The following PIAS1 variants were observed in gnomAD, a reference collection of about 807,000 sequenced individuals.
PIAS1 encodes the protein protein inhibitor of activated STAT 1.
PIAS1 carries 6 observed loss-of-function variants against 71.3 expected under a neutral mutation model. The observed-to-expected ratio is 0.08, with a 90% CI of 0.05 to 0.17. The LOEUF (loss-of-function observed/expected upper bound fraction) is 0.17. PIAS1 is among the 10% of genes least tolerant of loss of function. The pLI is 1.00. For missense variants in PIAS1, 555 were observed against 793.6 expected (o/e 0.70, Z 3.61); for synonymous variants, 303 against 292.9 (o/e 1.03, Z -0.35).
At chr15:68,165,440 G>A (rs2092951737) in intron 8 of PIAS1, among the ~76,000 whole-genome samples, 2 of 152,232 alleles carry the variant, frequency 1.3e-5, no homozygotes, top group East Asian at 1.9e-4. Context: ...ACTTAAGATA[G>A]TACCTTTCTG....
At chr15:68,138,776 G>A (rs1297073415) in intron 2 of PIAS1, among the ~76,000 whole-genome samples, 1 of 152,154 alleles carries the variant, frequency 6.6e-6, no homozygotes, top group Non-Finnish European at 1.5e-5. Context: ...TGCCCAGCCA[G>A]TTCTGTCACT....
chr15:68,139,658 A>G (rs2092756864), intron 2 of PIAS1, among the ~76,000 whole-genome samples: 1 of 152,178 alleles, frequency 6.6e-6, no homozygotes, highest in African/African-American at 2.4e-5. Flanking sequence ...TTTTTAACCT[A>G]TAGGAAAAAT....
In PIAS1 at chr15:68,183,614, AT is replaced by A; in HGVS notation, c.1625-10del. ...CTTCTTTTTTTTTTAAACTGAAATA[AT>A]TTTTTCTTCCACAGGATTAGATTTC... On this transcript the variant is annotated splice_polypyrimidine_tract_variant and intron_variant, in intron 12 of 13. Transcript: ENST00000249636. The A allele has an allele frequency of 9.3e-7, 1 of 1,073,900 alleles. No individual in the cohort carries two copies. Among genetic ancestry groups the A allele is most frequent in the Non-Finnish European group, 1.4e-6 (1 of 728,968 alleles). The allele number at this position is 1,073,900 out of a possible 1,614,324, so 66.5% of individuals were successfully genotyped here.
intron 1 of PIAS1, among the ~76,000 whole-genome samples, chr15:68,084,593 A>T (rs968878681): frequency 1.3e-5 from 2 of 152,148 alleles, no homozygotes; most frequent in Non-Finnish European, 2.9e-5. Context: ...TTGAGCATTT[A>T]TTTGGATAAG....
rs2093012401 is a variant in PIAS1 at position 68,174,903 on chromosome 15, T to C, written c.1170-734T>C. 6.6e-6 allele frequency among the ~76,000 whole-genome samples: 1 copy of C among 152,224 alleles called. No individual in the cohort carries two copies. The highest frequency in any genetic ancestry group is 1.5e-5 in the Non-Finnish European group (1 of 68,036). On this transcript the variant is annotated intron_variant, in intron 9 of 13. Transcript: ENST00000249636. This position sits in a 1 kb window ranked among gnomAD's most constrained non-coding sequence, Gnocchi z 4.0. ...TTTTTCAGAAATGTCGGTGATCACT[T>C]ACTAGTAAATCAGAATTAAATAGTG...
chr15:68,168,992 A>G lies in PIAS1; in HGVS notation c.1008+4188A>G, dbSNP rs188651019. Among the ~76,000 whole-genome samples, 155 of 152,334 alleles carry G rather than the reference A, an allele frequency of 1.0e-3. 2 individuals are homozygous for G. Among genetic ancestry groups the G allele is most frequent in the Admixed American group, 6.5e-3 (100 of 15,308 alleles). The stretch of plus-strand genomic sequence containing the variant: ...AGCTGCTTTTCAGAGTATAAATTTC[A>G]TGGCCTGTAGCTTGGATTCTGAAAC... On this transcript the variant is annotated intron_variant, in intron 8 of 13. Transcript: ENST00000249636.
At chr15:68,067,590 A>G (rs146170204) in intron 1 of PIAS1, among the ~76,000 whole-genome samples, 19 of 152,240 alleles carry the variant, frequency 1.2e-4, no homozygotes, top group Admixed American at 2.0e-4. Context: ...TGAAGCTTAT[A>G]ATACAAACTA....
chr15:68,163,974 A>G (rs1416015821), intron 7 of PIAS1, among the ~76,000 whole-genome samples: 1 of 152,218 alleles, frequency 6.6e-6, no homozygotes, highest in Admixed American at 6.5e-5. Context: ...GATGAGAAGT[A>G]TAAAGAGTCT....
Position 68,085,953 on chromosome 15 carries a change from C to T in PIAS1, c.25-353C>T, listed in dbSNP as rs2092277622. Among the ~76,000 whole-genome samples the T allele has an allele frequency of 5.3e-5, 8 of 152,124 alleles. No homozygotes were observed. In the South Asian group the frequency reaches 1.7e-3, roughly 32 times the overall value. Reference sequence around the variant, plus strand: ...AGAGCACATCATTACGTTTTGCCATCTACATAGCACTCGACATTCTCCTGG... The same window carrying T: ...AGAGCACATCATTACGTTTTGCCATTTACATAGCACTCGACATTCTCCTGG... On this transcript the variant is annotated intron_variant, in intron 1 of 13. Coordinates refer to ENST00000249636, the MANE Select transcript of PIAS1 (RefSeq NM_016166.3).
chr15:68,133,163 G>A (rs572630162), intron 2 of PIAS1, among the ~76,000 whole-genome samples: 61 of 151,772 alleles, frequency 4.0e-4, no homozygotes, highest in African/African-American at 1.4e-3. Context: ...TGGTTTTAGG[G>A]TATTCTATGA....
chr15:68,116,907 A>G (rs1410373480), intron 2 of PIAS1, among the ~76,000 whole-genome samples: 2 of 152,172 alleles, frequency 1.3e-5, no homozygotes, highest in African/African-American at 2.4e-5. Context: ...TTTTAAACTA[A>G]CACATAAAAA....
chr15:68,153,747 AGT>A (rs1203534941), intron 7 of PIAS1, 52 bp downstream of exon 7: 2 of 950,948 alleles, frequency 2.1e-6, no homozygotes, highest in Non-Finnish European at 3.4e-6. Flanking sequence ...TAAAGGTTAG[AGT>A]AGTATTTTCT....
chr15:68,075,354 G>A lies in PIAS1; in HGVS notation c.25-10952G>A, dbSNP rs540927629. On this transcript the variant is annotated intron_variant, in intron 1 of 13. Coordinates refer to ENST00000249636, the MANE Select transcript of PIAS1 (RefSeq NM_016166.3). ...GCCCACCTCGGCCTCCCAAAGTGCT[G>A]GGATTACAGGCGTGAGCCACTGTGC... Among the ~76,000 whole-genome samples, 3 of 152,052 alleles carry A rather than the reference G, an allele frequency of 2.0e-5. No homozygotes were observed. In the East Asian group the frequency reaches 5.8e-4, roughly 29 times the overall value.
At chr15:68,114,063 T>TATAC (rs2092545198) in intron 2 of PIAS1, among the ~76,000 whole-genome samples, 1 of 56,072 alleles carries the variant, frequency 1.8e-5, no homozygotes, top group African/African-American at 5.1e-5. Flanking sequence ...CACACACACT[T>TATAC]ATATACATGT....
intron 1 of PIAS1, among the ~76,000 whole-genome samples, chr15:68,056,726 A>G (rs1299208626): frequency 2.0e-5 from 3 of 152,052 alleles, no homozygotes; most frequent in African/African-American, 7.2e-5. Context: ...GGAGGAGGTG[A>G]TCTCAGGAAC....
intron 2 of PIAS1, among the ~76,000 whole-genome samples, chr15:68,097,757 T>C (rs1488592704): frequency 6.6e-6 from 1 of 152,196 alleles, no homozygotes; most frequent in African/African-American, 2.4e-5. Context: ...TATTAAATGC[T>C]TTTTCAACAT....
At chr15:68,137,576 A>G (rs576525868) in intron 2 of PIAS1, among the ~76,000 whole-genome samples, 7 of 152,246 alleles carry the variant, frequency 4.6e-5, no homozygotes, top group East Asian at 1.9e-4. Context: ...TAATAAACCT[A>G]TGTTATGAGA....
At position 68,189,278 on chromosome 15, in the gene PIAS1, G is replaced by A. The variant is rs1414048012; in HGVS notation, c.*1443G>A. ...AAATCCTCATCAGAGAAGGTATGAT[G>A]TTCTCAGGTGTGGAAAATATTTTTT... On this transcript the variant is annotated 3_prime_UTR_variant, in exon 14 of 14. Transcript: ENST00000249636. 3 of 152,186 alleles carry A rather than the reference G, an allele frequency of 2.0e-5. No individual in the cohort carries two copies. Among genetic ancestry groups the A allele is most frequent in the Non-Finnish European group, 4.4e-5 (3 of 68,020 alleles). 9.4% of individuals were successfully genotyped at this position (152,186 alleles called of 1,614,324 possible).
intron 2 of PIAS1, among the ~76,000 whole-genome samples, chr15:68,111,638 C>G (rs933628297): frequency 1.3e-5 from 2 of 152,076 alleles, no homozygotes; most frequent in African/African-American, 4.8e-5. Flanking sequence ...GAGGAAAGTA[C>G]AGGTTGCGTT....
Sources: allele counts gnomAD v4.1 joint callset (sites outside exome capture counted in the v4.1 genomes callset), GRCh38; gene constraint gnomAD v4.1.1; non-coding constraint Gnocchi (gnomAD v3.1); transcripts MANE v1.5; gene names NCBI Gene and HGNC (gene_info 2026-07-23, HGNC 2026-07-21).